Variants in PKD2L2 observed in about 807,000 individuals in gnomAD.
The protein encoded by PKD2L2 is polycystin-2-like protein 2.
Under a neutral mutation model 83.9 loss-of-function variants are expected in PKD2L2, and 67 were observed. The ratio of observed to expected loss-of-function variants is 0.80; its 90% CI spans 0.66 to 0.98. PKD2L2 has a LOEUF of 0.98. Among genes scored for constraint, PKD2L2 ranks in the 50% least tolerant of loss-of-function variants. The pLI is 0.00. For synonymous variants in PKD2L2, 223 were observed against 237.8 expected (o/e 0.94, Z 0.57); for missense variants, 632 against 717.2 (o/e 0.88, Z 1.36).
intron 14 of PKD2L2, among the ~76,000 whole-genome samples, chr5:137,941,144 GTGA>G (rs543254968): frequency 1.1e-4 from 17 of 152,058 alleles, no homozygotes; most frequent in Admixed American, 1.1e-3. Context: ...TCCTGACCTC[GTGA>G]TCCACCCGCC....
intron 14 of PKD2L2, chr5:137,940,297 G>A (rs774438924): frequency 6.2e-7 from 1 of 1,608,850 alleles, no homozygotes; most frequent in Non-Finnish European, 8.5e-7. Context: ...TAATTTTCTT[G>A]TACTCTCTGT....
intron 12 of PKD2L2, among the ~76,000 whole-genome samples, chr5:137,927,676 G>A (rs1036930322): frequency 6.6e-5 from 10 of 152,206 alleles, no homozygotes; most frequent in Non-Finnish European, 8.8e-5. Flanking sequence ...TGGAGCATTC[G>A]TGTTGGTGGC....
chr5:137,936,554 C>G (rs1247684313), intron 14 of PKD2L2, 127 bp downstream of exon 14: 1 of 620,292 alleles, frequency 1.6e-6, no homozygotes, highest in Non-Finnish European at 2.6e-6. Context: ...CTCCCGGGTT[C>G]AAGCGATTCT....
intron 12 of PKD2L2, among the ~76,000 whole-genome samples, chr5:137,929,990 T>G (rs1759730345): frequency 6.6e-6 from 1 of 152,074 alleles, no homozygotes; most frequent in South Asian, 2.1e-4. Flanking sequence ...TTTTATCAGT[T>G]ATGAATATCT....
At chr5:137,936,465 T>G (rs1312143655) in intron 14 of PKD2L2, 38 bp downstream of exon 14, 4 of 1,518,094 alleles carry the variant, frequency 2.6e-6, no homozygotes, top group Non-Finnish European at 1.8e-6. Context: ...CATTTCTTTT[T>G]TTTTTTTTGA....
intron 9 of PKD2L2, 151 bp from the exon 10 acceptor site, chr5:137,923,269 G>A: frequency 4.0e-6 from 2 of 503,650 alleles, no homozygotes; most frequent in South Asian, 4.6e-5. Context: ...ACTCACCTTG[G>A]TCTCCTGGGT....
chr5:137,917,437 T>A (rs538566332), intron 8 of PKD2L2, among the ~76,000 whole-genome samples: 1 of 152,214 alleles, frequency 6.6e-6, no homozygotes, highest in South Asian at 2.1e-4. Flanking sequence ...GTGCTGGGAT[T>A]ACAAGCGTGA....
intron 6 of PKD2L2, 74 bp from the exon 7 acceptor site, chr5:137,907,668 G>C (rs1019836992): frequency 2.4e-6 from 2 of 848,368 alleles, no homozygotes; most frequent in African/African-American, 3.5e-5. Flanking sequence ...CTTTTTTTGT[G>C]TTTCCTCATA....
intron 13 of PKD2L2, 125 bp from the exon 14 acceptor site, chr5:137,936,195 C>T (rs13357883): frequency 0.16 from 125,874 of 784,102 alleles, 10,907 homozygotes; most frequent in African/African-American, 0.18. Context: ...CTATAACTGG[C>T]CACAAGAGGC....
intron 10 of PKD2L2, 134 bp downstream of exon 10, chr5:137,923,655 G>A (rs1759126230): frequency 3.2e-6 from 2 of 628,558 alleles, no homozygotes; most frequent in Non-Finnish European, 5.8e-6. Context: ...CCCAGGGTTT[G>A]TTTTGTGTTT....
rs758053808 is a variant in PKD2L2 at position 137,905,709 on chromosome 5, T to C, written c.747-497T>C. Among the ~76,000 whole-genome samples the C allele has an allele frequency of 3.3e-5, 5 of 152,198 alleles. No homozygotes were observed. The East Asian group carries it at 9.6e-4, about 29-fold the overall frequency. On this transcript the variant is annotated intron_variant, in intron 5 of 14. Coordinates refer to ENST00000508883, the MANE Select transcript of PKD2L2 (RefSeq NM_001300921.2). Reference sequence around the variant, plus strand: ...ATCCAACAGAAAACATTTGCTTTAGTAGAATATGTGACCTTGACATTTAGA... The same window carrying C: ...ATCCAACAGAAAACATTTGCTTTAGCAGAATATGTGACCTTGACATTTAGA...
At chr5:137,935,576 C>T (rs116183978) in intron 12 of PKD2L2, among the ~76,000 whole-genome samples, 1,729 of 152,234 alleles carry the variant, frequency 0.011, 27 homozygotes, top group African/African-American at 0.04. Context: ...CAAAGCTTCC[C>T]TAACTATGCT....
intron 8 of PKD2L2, among the ~76,000 whole-genome samples, chr5:137,910,384 G>A (rs956428187): frequency 2.0e-5 from 3 of 151,942 alleles, no homozygotes; most frequent in Non-Finnish European, 4.4e-5. Context: ...GCACAGAACA[G>A]GTAGAGAACT....
At chr5:137,907,539 A>G (rs1175237229) in intron 6 of PKD2L2, among the ~76,000 whole-genome samples, 1 of 152,144 alleles carries the variant, frequency 6.6e-6, no homozygotes, top group African/African-American at 2.4e-5. Flanking sequence ...AGCAATTAAT[A>G]TTTTTCAACT....
intron 5 of PKD2L2, among the ~76,000 whole-genome samples, chr5:137,901,051 G>C (rs1211712222): frequency 6.6e-6 from 1 of 151,730 alleles, no homozygotes; most frequent in South Asian, 2.1e-4. Context: ...TGGGAGAATC[G>C]CTTGAACCTG....
intron 3 of PKD2L2, among the ~76,000 whole-genome samples, chr5:137,893,245 C>T (rs1756149604): frequency 1.3e-5 from 2 of 151,882 alleles, no homozygotes; most frequent in Non-Finnish European, 2.9e-5. Flanking sequence ...GGCATAAAAC[C>T]TTTACTGTTT....
In PKD2L2 at chr5:137,889,479, G is replaced by A; in HGVS notation, c.-13G>A. 6.3e-7 allele frequency: 1 copy of A among 1,575,814 alleles called. No individual in the cohort carries two copies. Among genetic ancestry groups the A allele is most frequent in the Non-Finnish European group, 8.6e-7 (1 of 1,165,146 alleles). The stretch of plus-strand genomic sequence containing the variant: ...CTCAGGCGAACGAACGGGCGGTGTA[G>A]TGCAGGTCCGCCATGGCTGAGGCGT... On this transcript the variant is annotated 5_prime_UTR_variant, in exon 1 of 15. It adds an upstream start codon to the 5' untranslated region. Coordinates refer to ENST00000508883, the MANE Select transcript of PKD2L2 (RefSeq NM_001300921.2).
chr5:137,921,811 T>G, intron 9 of PKD2L2, 55 bp downstream of exon 9: 3 of 1,291,596 alleles, frequency 2.3e-6, no homozygotes, highest in Admixed American at 2.3e-5. Context: ...AAAAGTAAAA[T>G]TACTCATTTA....
At chr5:137,941,848 CACAATT>C in intron 14 of PKD2L2, 1 of 1,044,022 alleles carries the variant, frequency 9.6e-7, no homozygotes, top group Non-Finnish European at 1.4e-6. Context: ...ATCCTATATG[CACAATT>C]TCTAATCCCA....
Sources: allele counts gnomAD v4.1 joint callset (sites outside exome capture counted in the v4.1 genomes callset), GRCh38; gene constraint gnomAD v4.1.1; transcripts MANE v1.5; gene names NCBI Gene and HGNC (gene_info 2026-07-23, HGNC 2026-07-21).